CLYBL: variants seen among roughly 807,000 people sequenced by gnomAD.
CLYBL encodes citramalyl-CoA lyase, mitochondrial.
CLYBL carries 31 observed loss-of-function variants against 38.9 expected under a neutral mutation model. The observed-to-expected ratio is 0.80, with a 90% CI of 0.60 to 1.08. The LOEUF is 1.08. CLYBL is among the 50% of genes least tolerant of loss of function. The pLI is 0.00. For synonymous variants in CLYBL, 171 were observed against 158.6 expected (o/e 1.08, Z -0.59); for missense variants, 434 against 411.6 (o/e 1.05, Z -0.47).
At chr13:99,654,072 G>A (rs897775611) in intron 1 of CLYBL, among the ~76,000 whole-genome samples, 3 of 152,118 alleles carry the variant, frequency 2.0e-5, no homozygotes, top group Non-Finnish European at 2.9e-5. Flanking sequence ...TCCCCAAGGC[G>A]GCTGCTTGGT....
chr13:99,706,978 A>AT (rs1367837029), intron 1 of CLYBL, among the ~76,000 whole-genome samples: 5 of 151,722 alleles, frequency 3.3e-5, no homozygotes, highest in Admixed American at 3.3e-4. Context: ...GAATTTTTGT[A>AT]TTTTTTTGTA....
At chr13:99,806,852 G>A (rs1325775261) in intron 2 of CLYBL, among the ~76,000 whole-genome samples, 1 of 152,230 alleles carries the variant, frequency 6.6e-6, no homozygotes, top group Admixed American at 6.5e-5. Context: ...AGTGGAGTTT[G>A]TTCAGGGCAA....
rs144379562 is a variant in CLYBL, at chr13:99,746,243, C to A, written c.63-26581C>A. On this transcript the variant is annotated intron_variant, in intron 1 of 8. Transcript: ENST00000339105. ...TGGTTACATCTGTCAGGTTGACAGTCTTTCGTGACCTTTAAAAAAAAGTTA... is the reference window on the plus strand; with the variant it reads ...TGGTTACATCTGTCAGGTTGACAGTATTTCGTGACCTTTAAAAAAAAGTTA... Among the ~76,000 whole-genome samples the A allele has an allele frequency of 3.3e-3, 507 of 151,920 alleles. 13 individuals are homozygous for A. Among genetic ancestry groups the A allele is most frequent in the East Asian group, 5.4e-3 (28 of 5,170 alleles).
intron 1 of CLYBL, among the ~76,000 whole-genome samples, chr13:99,629,795 T>C (rs914919520): frequency 6.6e-5 from 10 of 152,310 alleles, no homozygotes; most frequent in Admixed American, 2.0e-4. Context: ...GTCCCTGGGC[T>C]CCTATTGCTC....
chr13:99,651,617 T>A (rs2047254348), intron 1 of CLYBL, among the ~76,000 whole-genome samples: 1 of 150,812 alleles, frequency 6.6e-6, no homozygotes, highest in Non-Finnish European at 1.5e-5. Context: ...AATTCTGGGT[T>A]GTGGCTTTCC....
chr13:99,661,902 G>C (rs75698078), intron 1 of CLYBL, among the ~76,000 whole-genome samples: 1 of 152,102 alleles, frequency 6.6e-6, no homozygotes, highest in South Asian at 2.1e-4. Context: ...AGCCTCCCCT[G>C]CCCCCTTATA....
chr13:99,736,137 C>T (rs1350015345), intron 1 of CLYBL, among the ~76,000 whole-genome samples: 11 of 150,150 alleles, frequency 7.3e-5, no homozygotes, highest in African/African-American at 1.2e-4. Flanking sequence ...CTCTGCCTCC[C>T]GAGTTCAAGC....
At position 99,870,988 on chromosome 13, in the gene CLYBL, T is replaced by C; in HGVS notation, c.853T>C (p.Ser285Pro). The C allele has an allele frequency of 1.2e-6, 2 of 1,613,810 alleles. No individual in the cohort carries two copies. The highest frequency in any genetic ancestry group is 1.7e-6 in the Non-Finnish European group (2 of 1,179,826). The change falls in exon 7 of 9, where the codon TCT becomes CCT. Residue 285 changes from serine (S) to proline (P), a missense_variant. By Grantham distance (74) the Ser-to-Pro change is moderately conservative (BLOSUM62 -1). Transcript: ENST00000339105. ...NQIAVVQEQF[S>P]PSPEKIKWAE... ...AATTGCCGTGGTCCAGGAGCAGTTTTCTCCTTCCCCTGAAAAAATTAAGTG... is the reference window on the plus strand; with the variant it reads ...AATTGCCGTGGTCCAGGAGCAGTTTCCTCCTTCCCCTGAAAAAATTAAGTG...
At chr13:99,672,271 G>C (rs1340313162) in intron 1 of CLYBL, among the ~76,000 whole-genome samples, 1 of 150,074 alleles carries the variant, frequency 6.7e-6, no homozygotes, top group Non-Finnish European at 1.5e-5. Flanking sequence ...CAGTGTTGCA[G>C]TCATAGCTCA....
chr13:99,841,908 C>G (rs1208544326), intron 2 of CLYBL, among the ~76,000 whole-genome samples: 4 of 148,866 alleles, frequency 2.7e-5, no homozygotes, highest in African/African-American at 7.5e-5. Context: ...CTCCACCTCC[C>G]AGGTTCAAGA....
At chr13:99,818,439 A>G (rs548648080) in intron 2 of CLYBL, among the ~76,000 whole-genome samples, 1 of 145,654 alleles carries the variant, frequency 6.9e-6, no homozygotes, top group South Asian at 2.2e-4. Context: ...GATCACATGG[A>G]GCAGAAAACA....
At chr13:99,884,605 C>T (rs921946084) in intron 7 of CLYBL, among the ~76,000 whole-genome samples, 2 of 152,190 alleles carry the variant, frequency 1.3e-5, no homozygotes, top group African/African-American at 4.8e-5. Flanking sequence ...AATGTCCTTC[C>T]CGCCATTAGA....
At chr13:99,852,654 G>A (rs1047256729) in intron 2 of CLYBL, among the ~76,000 whole-genome samples, 15 of 152,116 alleles carry the variant, frequency 9.9e-5, no homozygotes, top group Non-Finnish European at 1.5e-4. Context: ...ATATACAAAT[G>A]TAAAGAGAGT....
At chr13:99,623,254 C>A (rs1415688031) in intron 1 of CLYBL, among the ~76,000 whole-genome samples, 1 of 152,232 alleles carries the variant, frequency 6.6e-6, no homozygotes, top group Non-Finnish European at 1.5e-5. Flanking sequence ...TCCACATCCT[C>A]GCCAACACTT....
chr13:99,610,027 C>T (rs542927696), intron 1 of CLYBL, among the ~76,000 whole-genome samples: 2 of 152,328 alleles, frequency 1.3e-5, no homozygotes, highest in African/African-American at 4.8e-5. Flanking sequence ...CTCAGCCTCC[C>T]CAGTAGCTGG....
chr13:99,779,172 C>T (rs554622745), intron 2 of CLYBL, among the ~76,000 whole-genome samples: 7 of 152,188 alleles, frequency 4.6e-5, no homozygotes, highest in South Asian at 2.1e-4. Context: ...GAAGGAGTCT[C>T]GCTGTTGTCG....
At chr13:99,818,706 G>C (rs2050512046) in intron 2 of CLYBL, among the ~76,000 whole-genome samples, 2 of 152,190 alleles carry the variant, frequency 1.3e-5, no homozygotes, top group Non-Finnish European at 2.9e-5. Flanking sequence ...AGATTGAAAT[G>C]TGGTGTGTGT....
chr13:99,686,080 T>A (rs1332528797), intron 1 of CLYBL, among the ~76,000 whole-genome samples: 1 of 152,160 alleles, frequency 6.6e-6, no homozygotes, highest in East Asian at 1.9e-4. Context: ...CAGGACCAAA[T>A]TTCCCCCTTT....
chr13:99,777,744 C>T (rs2049552928), intron 2 of CLYBL, among the ~76,000 whole-genome samples: 1 of 152,186 alleles, frequency 6.6e-6, no homozygotes, highest in Non-Finnish European at 1.5e-5. Context: ...CTGCCCACCT[C>T]AGCCTCCCAA....
Sources: gnomAD v4.1 joint callset for allele counts (sites outside exome capture counted in the v4.1 genomes callset) on GRCh38, gnomAD v4.1.1 for gene constraint, MANE v1.5 for transcripts, NCBI Gene and HGNC (gene_info 2026-07-23, HGNC 2026-07-21) for gene names.